PCDHA12: variants seen among roughly 807,000 people sequenced by gnomAD.
The protein encoded by PCDHA12 is protocadherin alpha-12.
A neutral mutation model predicts 60.0 loss-of-function variants in PCDHA12; 44 were observed. The observed-to-expected ratio is 0.73, with a 90% CI of 0.58 to 0.94. PCDHA12 has a LOEUF of 0.94. Ranked by LOEUF, PCDHA12 falls within the 40% of genes least tolerant of loss-of-function variation. The pLI is 0.00. For missense variants in PCDHA12, 1,276 were observed against 1,239.7 expected, an observed-to-expected ratio of 1.03 and a Z score of -0.44; for synonymous variants, 569 against 553.0, an observed-to-expected ratio of 1.03 and a Z score of -0.40.
At position 140,875,465 on chromosome 5, in the gene PCDHA12, T is replaced by C. The variant is rs1466604223; in HGVS notation, c.-8T>C. ...ATTGTCCCAACTCAGAGGCCCTCATTTTCTGCAATGGTGATTATCGGACCA... is the reference window on the plus strand; with the variant it reads ...ATTGTCCCAACTCAGAGGCCCTCATCTTCTGCAATGGTGATTATCGGACCA... On this transcript the variant is annotated 5_prime_UTR_variant, in exon 1 of 4. Coordinates refer to ENST00000398631, the MANE Select transcript of PCDHA12 (RefSeq NM_018903.4). The C allele has an allele frequency of 5.6e-6, 9 of 1,599,572 alleles. No homozygotes were observed. The highest frequency in any genetic ancestry group is 1.3e-5 in the African/African-American group (1 of 74,250).
rs35695909 is a variant in PCDHA12, at chr5:140,914,944, C to CTT, written c.2367+37122_2367+37123dup. Among the ~76,000 whole-genome samples the CTT allele has an allele frequency of 2.2e-4, 28 of 128,250 alleles. 1 individual carries two copies. Among genetic ancestry groups the CTT allele is most frequent in the African/African-American group, 3.1e-4 (11 of 35,118 alleles). 84.1% of individuals were successfully genotyped at this position (128,250 alleles called of 152,430 possible). Reference sequence around the variant, plus strand: ...ATTGTACTATGTTGTGAAAAGTTGTCTTTTTTTTTTTTTTTTTTCTGAGTC... The same window carrying CTT: ...ATTGTACTATGTTGTGAAAAGTTGTCTTTTTTTTTTTTTTTTTTTTCTGAGTC... On this transcript the variant is annotated intron_variant, in intron 1 of 3. Transcript: ENST00000398631.
chr5:140,908,904 G>A (rs1467772032), intron 1 of PCDHA12, among the ~76,000 whole-genome samples: 2 of 152,194 alleles, frequency 1.3e-5, no homozygotes, highest in Non-Finnish European at 1.5e-5. Flanking sequence ...AGCCTCTTTC[G>A]TGGTTGTAGG....
At chr5:140,901,311 C>T (rs1242541248) in intron 1 of PCDHA12, among the ~76,000 whole-genome samples, 3 of 152,052 alleles carry the variant, frequency 2.0e-5, no homozygotes, top group Non-Finnish European at 4.4e-5. Context: ...GGAGAGTTTC[C>T]CCAATGTTTT....
At chr5:140,906,813 A>G (rs1287106484) in intron 1 of PCDHA12, among the ~76,000 whole-genome samples, 4 of 152,042 alleles carry the variant, frequency 2.6e-5, no homozygotes, top group African/African-American at 4.8e-5. Flanking sequence ...CCTTACCTCC[A>G]CTGTGGAGTA....
intron 1 of PCDHA12, among the ~76,000 whole-genome samples, chr5:140,898,096 G>T (rs2066523889): frequency 6.6e-6 from 1 of 152,034 alleles, no homozygotes; most frequent in South Asian, 2.1e-4. Context: ...TTAGCCCTTT[G>T]TCAGATGAGT....
intron 1 of PCDHA12, among the ~76,000 whole-genome samples, chr5:140,908,808 A>C (rs781863210): frequency 6.6e-6 from 1 of 152,068 alleles, no homozygotes; most frequent in Non-Finnish European, 1.5e-5. Flanking sequence ...AAAAAGTGAG[A>C]GCCTTTTGGG....
At chr5:140,952,885 A>G (rs1285549724) in intron 1 of PCDHA12, among the ~76,000 whole-genome samples, 1 of 152,174 alleles carries the variant, frequency 6.6e-6, no homozygotes, top group Non-Finnish European at 1.5e-5. Flanking sequence ...TCATGGTGGA[A>G]GGCAAAGGGG....
At chr5:140,954,832 A>G (rs2095096599) in intron 1 of PCDHA12, among the ~76,000 whole-genome samples, 1 of 152,208 alleles carries the variant, frequency 6.6e-6, no homozygotes, top group Admixed American at 6.5e-5. Flanking sequence ...CACTTTTGTC[A>G]TGAAATCTTT....
intron 1 of PCDHA12, among the ~76,000 whole-genome samples, chr5:140,934,332 T>C (rs1452316834): frequency 1.3e-5 from 2 of 152,140 alleles, no homozygotes; most frequent in Non-Finnish European, 2.9e-5. Flanking sequence ...ATGAATGTAA[T>C]AACCACCAGT....
At chr5:140,940,080 T>C (rs1213223425) in intron 1 of PCDHA12, among the ~76,000 whole-genome samples, 3 of 152,248 alleles carry the variant, frequency 2.0e-5, no homozygotes, top group African/African-American at 7.2e-5. Flanking sequence ...GATATCTTTC[T>C]GCTAAATTGA....
chr5:140,967,485 C>A lies in PCDHA12; in HGVS notation c.2368-11464C>A, dbSNP rs781948599. 3.7e-6 allele frequency: 6 copies of A among 1,613,056 alleles called. No homozygotes were observed. In the South Asian group the frequency reaches 6.6e-5, roughly 18 times the overall value. On this transcript the variant is annotated intron_variant, in intron 1 of 3. Coordinates refer to ENST00000398631, the MANE Select transcript of PCDHA12 (RefSeq NM_018903.4). ...GGGGGCATCCCAGCCCGCTCGGGTA[C>A]GGCACAGATCTCTGTGCGTGTCCTG...
chr5:140,957,983 AG>A (rs1554223250), intron 1 of PCDHA12, among the ~76,000 whole-genome samples: 1 of 152,154 alleles, frequency 6.6e-6, no homozygotes, highest in Non-Finnish European at 1.5e-5. Flanking sequence ...AAATAGAATC[AG>A]TGCCAGATTT....
At chr5:140,927,220 A>T (rs1554204179) in intron 1 of PCDHA12, 1 of 1,614,090 alleles carries the variant, frequency 6.2e-7, no homozygotes, top group Admixed American at 1.7e-5. Flanking sequence ...GCTGCACAAG[A>T]TTCGGATTCA....
chr5:140,886,317 G>A (rs1323122893), intron 1 of PCDHA12, among the ~76,000 whole-genome samples: 2 of 151,612 alleles, frequency 1.3e-5, no homozygotes, highest in Non-Finnish European at 2.9e-5. Context: ...TACACTTTAA[G>A]TTCTGGGATA....
At chr5:140,967,671 A>G in intron 1 of PCDHA12, 1 of 1,614,130 alleles carries the variant, frequency 6.2e-7, no homozygotes, top group Non-Finnish European at 8.5e-7. Context: ...TACACGTCGG[A>G]CCGGGAGAGG....
chr5:140,969,613 T>C (rs2096347317), intron 1 of PCDHA12: 2 of 727,588 alleles, frequency 2.7e-6, no homozygotes, highest in African/African-American at 1.8e-5. Flanking sequence ...AAACACAGAT[T>C]TGTAGAGAAA....
intron 1 of PCDHA12, chr5:140,882,363 A>G: frequency 1.2e-6 from 2 of 1,614,208 alleles, no homozygotes; most frequent in South Asian, 1.1e-5. Context: ...GGCCAGCTCC[A>G]CTACTCCGTC....
At chr5:140,950,112 A>G (rs1263517017) in intron 1 of PCDHA12, among the ~76,000 whole-genome samples, 3 of 151,944 alleles carry the variant, frequency 2.0e-5, no homozygotes, top group Non-Finnish European at 4.4e-5. Context: ...ATCTCATACA[A>G]TACAAAACCC....
chr5:140,924,900 A>AT lies in PCDHA12; in HGVS notation c.2367+47061_2367+47062insT, dbSNP rs1563068012. 8.8e-4 allele frequency among the ~76,000 whole-genome samples: 56 copies of AT among 63,318 alleles called. 1 individual carries two copies. The highest frequency in any genetic ancestry group is 8.1e-3 in the Middle Eastern group (1 of 124). 41.5% of individuals were successfully genotyped at this position (63,318 alleles called of 152,430 possible). On this transcript the variant is annotated intron_variant, in intron 1 of 3. Coordinates refer to ENST00000398631, the MANE Select transcript of PCDHA12 (RefSeq NM_018903.4). ...ACAGAGCAAGAACCTGTCTCAAAAA[A>AT]AAAAATAAAATAAAATAAAATAAAA...
Sources: gnomAD v4.1 joint callset for allele counts (sites outside exome capture counted in the v4.1 genomes callset) on GRCh38, gnomAD v4.1.1 for gene constraint, MANE v1.5 for transcripts, NCBI Gene and HGNC (gene_info 2026-07-23, HGNC 2026-07-21) for gene names.